RALGPS1: variants seen among roughly 807,000 people sequenced by gnomAD.
RALGPS1 encodes ras-specific guanine nucleotide-releasing factor RalGPS1.
Under a neutral mutation model 78.8 loss-of-function variants are expected in RALGPS1, and 19 were observed. The ratio of observed to expected loss-of-function variants is 0.24; its 90% CI spans 0.17 to 0.35. The LOEUF (loss-of-function observed/expected upper bound fraction) is 0.35. RALGPS1 is among the 10% of genes least tolerant of loss of function. RALGPS1 has a pLI of 1.00. For missense variants in RALGPS1, 454 were observed against 688.3 expected (o/e 0.66, Z 3.81); for synonymous variants, 228 against 256.3 (o/e 0.89, Z 1.06).
intron 5 of RALGPS1, among the ~76,000 whole-genome samples, chr9:127,038,340 C>T (rs1290540026): frequency 6.6e-6 from 1 of 152,244 alleles, no homozygotes; most frequent in Non-Finnish European, 1.5e-5. Context: ...AACTGAGGCT[C>T]TGCAAAGTGA....
At chr9:127,052,082 A>AC (rs1487319550) in intron 6 of RALGPS1, among the ~76,000 whole-genome samples, 1 of 152,224 alleles carries the variant, frequency 6.6e-6, no homozygotes, top group Non-Finnish European at 1.5e-5. Context: ...AAGGATGAGG[A>AC]CATCAAGGCT....
intron 14 of RALGPS1, among the ~76,000 whole-genome samples, chr9:127,209,792 C>T (rs938869194): frequency 1.3e-5 from 2 of 152,184 alleles, no homozygotes; most frequent in African/African-American, 4.8e-5. Flanking sequence ...AGGGCGGCCC[C>T]ACACTACCCA....
In RALGPS1 at chr9:127,195,297, G is replaced by T. The variant is rs2061295853; in HGVS notation, c.1037+80G>T. 5.2e-6 allele frequency: 8 copies of T among 1,545,888 alleles called. No homozygotes were observed. The East Asian group carries it at 1.8e-4, about 36-fold the overall frequency. On this transcript the variant is annotated intron_variant, in intron 12 of 18. Coordinates refer to ENST00000259351, the MANE Select transcript of RALGPS1 (RefSeq NM_014636.3). ...CTGGGCACAGTGCAGGGAATCACTTGCTGGCTGGGTCCCTCCCCTGCCCTG... is the reference window on the plus strand; with the variant it reads ...CTGGGCACAGTGCAGGGAATCACTTTCTGGCTGGGTCCCTCCCCTGCCCTG...
Position 127,213,133 on chromosome 9 carries a change from G to C in RALGPS1, c.1552+84G>C, listed in dbSNP as rs2062374731. The stretch of plus-strand genomic sequence containing the variant: ...ACAGCGTGCATTTTGAAATTATTAG[G>C]AGCTTTTGAGGCTGCTGCCTTCCCT... On this transcript the variant is annotated intron_variant, in intron 17 of 18. Transcript: ENST00000259351. 1.1e-5 allele frequency: 18 copies of C among 1,565,236 alleles called. 1 individual carries two copies. In the South Asian group the frequency reaches 1.9e-4, roughly 17 times the overall value.
At chr9:127,168,077 G>T (rs1390088846) in intron 9 of RALGPS1, among the ~76,000 whole-genome samples, 1 of 152,244 alleles carries the variant, frequency 6.6e-6, no homozygotes, top group Non-Finnish European at 1.5e-5. Context: ...CAGGTGTGAA[G>T]GTTAACAAAG....
chr9:127,089,217 A>G, intron 8 of RALGPS1: 2 of 1,492,088 alleles, frequency 1.3e-6, no homozygotes, highest in Non-Finnish European at 1.9e-6. Context: ...GGCTTTCGGC[A>G]AAGCCCTCTC....
intron 11 of RALGPS1, among the ~76,000 whole-genome samples, chr9:127,179,619 A>G (rs1250728248): frequency 6.6e-6 from 1 of 152,248 alleles, no homozygotes; most frequent in African/African-American, 2.4e-5. Flanking sequence ...TTCCAGGCCA[A>G]GGACTTGCTG....
intron 4 of RALGPS1, among the ~76,000 whole-genome samples, chr9:126,999,920 C>CT (rs905126359): frequency 6.6e-6 from 1 of 152,122 alleles, no homozygotes; most frequent in African/African-American, 2.4e-5. Context: ...TTATCTGTTT[C>CT]TTTTTTAGTG....
intron 4 of RALGPS1, among the ~76,000 whole-genome samples, chr9:126,991,232 G>A (rs562907437): frequency 1.2e-4 from 18 of 152,308 alleles, no homozygotes; most frequent in Admixed American, 1.1e-3. Context: ...TTATTTCATG[G>A]TGGAGATAAG....
chr9:127,054,996 T>TGAGAGAGA (rs10555826), intron 7 of RALGPS1, among the ~76,000 whole-genome samples: 5,349 of 138,622 alleles, frequency 0.039, 157 homozygotes, highest in Middle Eastern at 0.068. Flanking sequence ...AGAGATTGAT[T>TGAGAGAGA]GAGAGAGAGA....
chr9:127,050,788 G>A (rs201295316), intron 6 of RALGPS1, among the ~76,000 whole-genome samples: 1 of 152,136 alleles, frequency 6.6e-6, no homozygotes, highest in Admixed American at 6.5e-5. Flanking sequence ...AACCACCCAG[G>A]CTTGCCTGAC....
At chr9:127,202,865 C>T (rs1215617403) in intron 14 of RALGPS1, among the ~76,000 whole-genome samples, 1 of 152,140 alleles carries the variant, frequency 6.6e-6, no homozygotes, top group Non-Finnish European at 1.5e-5. Flanking sequence ...GGGGGGCCCC[C>T]AGCACACTCT....
intron 1 of RALGPS1, among the ~76,000 whole-genome samples, chr9:126,933,325 A>T (rs2035970688): frequency 6.6e-6 from 1 of 152,086 alleles, no homozygotes; most frequent in Non-Finnish European, 1.5e-5. Flanking sequence ...AATTAGTAGC[A>T]GGAGGTTCTG....
At chr9:127,185,016 A>G (rs559769101) in intron 11 of RALGPS1, among the ~76,000 whole-genome samples, 99 of 152,320 alleles carry the variant, frequency 6.5e-4, no homozygotes, top group African/African-American at 2.1e-3. Flanking sequence ...CTCCGCAGCC[A>G]TGAGCACTAT....
intron 1 of RALGPS1, among the ~76,000 whole-genome samples, chr9:126,922,119 T>C (rs1046406960): frequency 5.3e-5 from 8 of 152,202 alleles, no homozygotes; most frequent in African/African-American, 1.7e-4. Flanking sequence ...TGGGCGCGTT[T>C]GTCTCAGGCC....
At chr9:127,166,022 G>T in intron 8 of RALGPS1, 47 bp from the exon 9 acceptor site, 1 of 1,570,816 alleles carries the variant, frequency 6.4e-7, no homozygotes, top group Non-Finnish European at 8.6e-7. Flanking sequence ...TTTTGTTCTG[G>T]TTTGTGGTAA....
intron 1 of RALGPS1, among the ~76,000 whole-genome samples, chr9:126,920,741 G>A (rs2034672082): frequency 1.3e-5 from 2 of 152,202 alleles, no homozygotes; most frequent in South Asian, 4.1e-4. Flanking sequence ...AATGGATGCT[G>A]GACACATGCA....
chr9:127,186,417 C>T (rs1407301353), intron 11 of RALGPS1, among the ~76,000 whole-genome samples: 3 of 152,244 alleles, frequency 2.0e-5, no homozygotes, highest in Non-Finnish European at 4.4e-5. Flanking sequence ...AGCCCTGGTG[C>T]ATTATGACCA....
chr9:127,173,068 G>A (rs2059647388), intron 10 of RALGPS1, among the ~76,000 whole-genome samples: 2 of 152,216 alleles, frequency 1.3e-5, no homozygotes, highest in Admixed American at 1.3e-4. Context: ...AGGGGTTTTA[G>A]TCTTTCTCCT....
Sources: gnomAD v4.1 joint callset for allele counts (sites outside exome capture counted in the v4.1 genomes callset) on GRCh38, gnomAD v4.1.1 for gene constraint, MANE v1.5 for transcripts, NCBI Gene and HGNC (gene_info 2026-07-23, HGNC 2026-07-21) for gene names.